TDRD12: variants seen among roughly 807,000 people sequenced by gnomAD.
TDRD12 encodes the protein putative ATP-dependent RNA helicase TDRD12.
A neutral mutation model predicts 133.5 loss-of-function variants in TDRD12; 158 were observed. The ratio of observed to expected loss-of-function variants is 1.18; its 90% confidence interval spans 1.04 to 1.35. TDRD12 has a LOEUF of 1.35. Ranked by LOEUF, TDRD12 falls within the 40% of genes most tolerant of loss-of-function variation. TDRD12 has a pLI of 0.00. For missense variants in TDRD12, 1,443 were observed against 1,321.3 expected (o/e 1.09, Z -1.43); for synonymous variants, 460 against 477.9 (o/e 0.96, Z 0.49).
intron 25 of TDRD12, among the ~76,000 whole-genome samples, chr19:32,814,021 G>A (rs886379789): frequency 3.3e-5 from 5 of 152,156 alleles, no homozygotes; most frequent in African/African-American, 7.2e-5. Context: ...CGAGGCACAC[G>A]CACGCACACA....
intron 8 of TDRD12, among the ~76,000 whole-genome samples, chr19:32,765,926 A>T (rs1178542715): frequency 6.6e-6 from 1 of 151,620 alleles, no homozygotes; most frequent in South Asian, 2.1e-4. Context: ...AAAAAAAAAG[A>T]ATGTTTATGT....
At chr19:32,824,361 G>GT (rs1407222823), downstream of TDRD12, 1 of 153,016 alleles carries the variant, frequency 6.5e-6, no homozygotes, top group Non-Finnish European at 1.5e-5. Flanking sequence ...GGTGGACCCC[G>GT]TGCCCTCCTC....
chr19:32,743,203 G>A (rs143981693), intron 4 of TDRD12, among the ~76,000 whole-genome samples: 1,653 of 152,336 alleles, frequency 0.011, 37 homozygotes, highest in African/African-American at 0.038. Flanking sequence ...GCGCACGCGC[G>A]CACGGTCTCA....
chr19:32,765,039 C>T lies in TDRD12; in HGVS notation c.866-7714C>T, dbSNP rs1424314688. Among the ~76,000 whole-genome samples the T allele has an allele frequency of 2.6e-5, 4 of 152,052 alleles. No individual in the cohort carries two copies. In the East Asian group the frequency reaches 5.8e-4, roughly 22 times the overall value. ...TCTACAATGAACTCAAACAAATTTA[C>T]AAGAAAAAAACAAACAACCCCATCA... On this transcript the variant is annotated intron_variant, in intron 8 of 27. Coordinates refer to ENST00000444215, the Ensembl canonical transcript of TDRD12.
At chr19:32,721,600 G>C (rs1166537196) in intron 1 of TDRD12, among the ~76,000 whole-genome samples, 1 of 151,852 alleles carries the variant, frequency 6.6e-6, no homozygotes, top group African/African-American at 2.4e-5. Context: ...GGCTGTTCTC[G>C]AACTCCTGAC....
chr19:32,776,348 C>T lies in TDRD12; in HGVS notation c.1041-801C>T, dbSNP rs536722905. On this transcript the variant is annotated intron_variant, in intron 10 of 27. Coordinates refer to ENST00000444215, the Ensembl canonical transcript of TDRD12. ...CTCTGGCTTCAGGTGCAGGTTTTCT[C>T]TCAGGGTTTAAGGTCACCACACTGC... Among the ~76,000 whole-genome samples, 7 of 152,314 alleles carry T rather than the reference C, an allele frequency of 4.6e-5. 1 individual carries two copies. Among genetic ancestry groups the T allele is most frequent in the African/African-American group, 1.7e-4 (7 of 41,566 alleles).
intron 13 of TDRD12, among the ~76,000 whole-genome samples, chr19:32,794,216 C>T (rs892665174): frequency 6.7e-6 from 1 of 150,286 alleles, no homozygotes; most frequent in African/African-American, 2.5e-5. Flanking sequence ...AGTGATTCTC[C>T]TGCCGCAGCC....
rs1216194464 is a variant in TDRD12, at chr19:32,720,106, G to A, written c.24+10G>A. The stretch of plus-strand genomic sequence containing the variant: ...GCTCCTGGTGCTGAAGGTGAGCGCC[G>A]CCAAGCCAGACCCACGCCAGACCCA... On this transcript the variant is annotated intron_variant, in intron 1 of 27. Coordinates refer to ENST00000444215, the Ensembl canonical transcript of TDRD12. 5.8e-6 allele frequency: 9 copies of A among 1,547,340 alleles called. No homozygotes were observed. The highest frequency in any genetic ancestry group is 1.2e-5 in the South Asian group (1 of 83,976).
chr19:32,720,766 C>T (rs1968624917), intron 1 of TDRD12, among the ~76,000 whole-genome samples: 1 of 104,868 alleles, frequency 9.5e-6, no homozygotes, highest in African/African-American at 4.1e-5. Flanking sequence ...ACCTGCACCC[C>T]AGCCGCAGCC....
chr19:32,755,350 C>G (rs1206952453), intron 6 of TDRD12, among the ~76,000 whole-genome samples: 1 of 152,214 alleles, frequency 6.6e-6, no homozygotes. Flanking sequence ...ACCTTCCCAT[C>G]AGCAATGAGA....
chr19:32,746,260 G>C (rs55763603), intron 4 of TDRD12, among the ~76,000 whole-genome samples: 2 of 148,746 alleles, frequency 1.3e-5, no homozygotes, highest in South Asian at 2.1e-4. Context: ...CTGTGTGTGT[G>C]AGAGAGAGAG....
chr19:32,815,621 G>T lies in TDRD12; in HGVS notation c.3314+1G>T. Reference sequence around the variant, plus strand: ...GTGAAGAAAGCCTAAGCCAGACCCCGTAAGTGGATTTCTGTCTCCTTTTTG... The same window carrying T: ...GTGAAGAAAGCCTAAGCCAGACCCCTTAAGTGGATTTCTGTCTCCTTTTTG... On this transcript the variant is annotated splice_donor_variant, in intron 26 of 27. Transcript: ENST00000444215. LOFTEE classifies it high-confidence loss of function. 2.0e-6 allele frequency: 3 copies of T among 1,529,062 alleles called. No homozygotes were observed. The highest frequency in any genetic ancestry group is 2.6e-6 in the Non-Finnish European group (3 of 1,144,568). The allele number at this position is 1,529,062 out of a possible 1,614,324, so 94.7% of individuals were successfully genotyped here.
chr19:32,764,962 T>A (rs561897522), intron 8 of TDRD12, among the ~76,000 whole-genome samples: 2 of 152,054 alleles, frequency 1.3e-5, no homozygotes, highest in Admixed American at 6.6e-5. Context: ...ACCTACAGAA[T>A]GGGAGAAAAT....
In TDRD12 at chr19:32,731,338, C is replaced by T. The variant is rs1034331738; in HGVS notation, c.25-387C>T. On this transcript the variant is annotated intron_variant, in intron 1 of 27. Transcript: ENST00000444215. Reference sequence around the variant, plus strand: ...GGGAGGCCGAAGTGGGAAAATTGCTCGAGCCCCGGAGTTTGAGACTAGCCT... The same window carrying T: ...GGGAGGCCGAAGTGGGAAAATTGCTTGAGCCCCGGAGTTTGAGACTAGCCT... Among the ~76,000 whole-genome samples, 8 of 152,064 alleles carry T rather than the reference C, an allele frequency of 5.3e-5. No homozygotes were observed. The South Asian group carries it at 8.3e-4, about 16-fold the overall frequency.
At chr19:32,769,454 A>T (rs115983954) in intron 8 of TDRD12, among the ~76,000 whole-genome samples, 194 of 152,312 alleles carry the variant, frequency 1.3e-3, no homozygotes, top group African/African-American at 4.3e-3. Flanking sequence ...GTCCTGTATC[A>T]TCTGGGAGTC....
intron 21 of TDRD12, among the ~76,000 whole-genome samples, chr19:32,805,819 CCTT>C (rs1429664313): frequency 6.7e-6 from 1 of 150,106 alleles, no homozygotes; most frequent in Admixed American, 6.7e-5. Context: ...GCAACCTCCT[CCTT>C]CTGGGTTCAA....
At chr19:32,757,531 A>G (rs1291774820) in intron 8 of TDRD12, among the ~76,000 whole-genome samples, 1 of 152,224 alleles carries the variant, frequency 6.6e-6, no homozygotes, top group Non-Finnish European at 1.5e-5. Context: ...CAAGATATTT[A>G]ATGAATTGGA....
intron 15 of TDRD12, 48 bp downstream of exon 15, chr19:32,797,939 C>G: frequency 1.5e-6 from 1 of 649,508 alleles, no homozygotes; most frequent in Non-Finnish European, 2.7e-6. Context: ...ATCCTTTTCA[C>G]TGTCTTCCCT....
intron 8 of TDRD12, among the ~76,000 whole-genome samples, chr19:32,769,851 G>A (rs374189118): frequency 6.6e-6 from 1 of 151,996 alleles, no homozygotes; most frequent in Admixed American, 6.6e-5. Flanking sequence ...GATCAGGCTG[G>A]TCTCGAACTC....
Sources: gnomAD v4.1 joint callset for allele counts (sites outside exome capture counted in the v4.1 genomes callset) on GRCh38, gnomAD v4.1.1 for gene constraint, MANE v1.5 for transcripts, NCBI Gene and HGNC (gene_info 2026-07-23, HGNC 2026-07-21) for gene names.